The following RBFOX1 variants were observed in gnomAD, a reference collection of about 807,000 sequenced individuals.
The protein encoded by RBFOX1 is RNA binding fox-1 homolog 1, also known as RNA binding protein fox-1 homolog 1.
A neutral mutation model predicts 57.7 loss-of-function variants in RBFOX1; 8 were observed. The ratio of observed to expected loss-of-function variants is 0.14; its 90% CI spans 0.08 to 0.25. RBFOX1 has a LOEUF of 0.25. Among genes scored for constraint, RBFOX1 ranks in the 10% least tolerant of loss-of-function variants. The pLI is 1.00. For synonymous variants in RBFOX1, 326 were observed against 222.4 expected, an observed-to-expected ratio of 1.47 and a Z score of -4.15; for missense variants, 611 against 548.5, an observed-to-expected ratio of 1.11 and a Z score of -1.14.
At chr16:6,226,880 G>A (rs760125940) in intron 1 of RBFOX1, among the ~76,000 whole-genome samples, 4 of 151,268 alleles carry the variant, frequency 2.6e-5, no homozygotes, top group African/African-American at 7.3e-5. Flanking sequence ...GCGGTGAGGC[G>A]GCTGGATTGC....
chr16:6,424,620 C>CGTGTGTGTGTGT (rs143990992), intron 2 of RBFOX1, among the ~76,000 whole-genome samples: 4,169 of 150,630 alleles, frequency 0.028, 114 homozygotes, highest in African/African-American at 0.07. Context: ...TGTGTGTGTG[C>CGTGTGTGTGTGT]GTGTGTGTGA....
intron 1 of RBFOX1, among the ~76,000 whole-genome samples, chr16:6,020,695 G>C (rs1186289073): frequency 6.8e-6 from 1 of 147,160 alleles, no homozygotes; most frequent in Non-Finnish European, 1.5e-5. Flanking sequence ...TTGTTGTGCA[G>C]GCCAGGGGGG....
At chr16:6,596,191 C>G (rs925387478) in intron 2 of RBFOX1, among the ~76,000 whole-genome samples, 8 of 151,692 alleles carry the variant, frequency 5.3e-5, no homozygotes, top group Admixed American at 3.3e-4. Flanking sequence ...TTTTTCACCC[C>G]AAGGTCACAG....
At chr16:7,342,368 G>A (rs982851461) in intron 4 of RBFOX1, among the ~76,000 whole-genome samples, 1 of 152,172 alleles carries the variant, frequency 6.6e-6, no homozygotes, top group East Asian at 1.9e-4. Flanking sequence ...TGGCTCCTGT[G>A]TGATGCGGGG....
intron 4 of RBFOX1, among the ~76,000 whole-genome samples, chr16:5,897,298 G>A (rs569939687): frequency 5.3e-5 from 8 of 150,638 alleles, no homozygotes; most frequent in Non-Finnish European, 1.0e-4. Context: ...GCCTCCCAAA[G>A]TGCTGGGATT....
intron 4 of RBFOX1, among the ~76,000 whole-genome samples, chr16:7,165,890 T>C (rs950302891): frequency 6.6e-6 from 1 of 150,926 alleles, no homozygotes; most frequent in African/African-American, 2.4e-5. Context: ...ATAGATATGT[T>C]GGATTCTCTG....
chr16:6,938,546 C>G (rs533011105), intron 3 of RBFOX1, among the ~76,000 whole-genome samples: 1 of 145,844 alleles, frequency 6.9e-6, no homozygotes, highest in Non-Finnish European at 1.5e-5. Flanking sequence ...CTAGCATTAC[C>G]AGACACTGAA....
intron 2 of RBFOX1, among the ~76,000 whole-genome samples, chr16:5,546,300 C>A (rs7196311): frequency 0.05 from 7,647 of 152,002 alleles, 462 homozygotes; most frequent in African/African-American, 0.14. Flanking sequence ...GGCTTTTTTG[C>A]GGGGTGGAAA....
At chr16:6,698,730 A>C (rs985211708) in intron 3 of RBFOX1, among the ~76,000 whole-genome samples, 1 of 152,144 alleles carries the variant, frequency 6.6e-6, no homozygotes, top group East Asian at 1.9e-4. Context: ...GCCGTTCTCA[A>C]ATCCCACATC....
At chr16:6,157,988 A>T (rs1051301916) in intron 1 of RBFOX1, among the ~76,000 whole-genome samples, 4 of 152,200 alleles carry the variant, frequency 2.6e-5, no homozygotes, top group Non-Finnish European at 4.4e-5. Flanking sequence ...AGATATACTA[A>T]TTGGCTGAAC....
At position 5,389,528 on chromosome 16, in the gene RBFOX1, T is replaced by C. The variant is rs548030921; in HGVS notation, c.220-77688T>C. Among the ~76,000 whole-genome samples the C allele has an allele frequency of 1.5e-3, 230 of 152,226 alleles. 1 individual carries two copies. The highest frequency in any genetic ancestry group is 2.2e-3 in the Non-Finnish European group (147 of 68,010). On this transcript the variant is annotated intron_variant, in intron 1 of 2. Coordinates refer to the RBFOX1 transcript ENST00000585867. Reference sequence around the variant, plus strand: ...GAGGCAAAGTCACTCCAGCTGAAAATTGACATACTCCTGTGTATGTAACCA... The same window carrying C: ...GAGGCAAAGTCACTCCAGCTGAAAACTGACATACTCCTGTGTATGTAACCA...
At chr16:6,509,292 C>G (rs1400272262) in intron 2 of RBFOX1, among the ~76,000 whole-genome samples, 1 of 152,052 alleles carries the variant, frequency 6.6e-6, no homozygotes, top group Admixed American at 6.6e-5. Context: ...TTATTAATCC[C>G]TTGTCAGATA....
chr16:6,801,365 G>A lies in RBFOX1; in HGVS notation c.-16+146715G>A, dbSNP rs117728714. On this transcript the variant is annotated intron_variant, in intron 3 of 15. Coordinates refer to ENST00000550418, the MANE Select transcript of RBFOX1 (RefSeq NM_018723.4). ...GTAATGGTCAGGCTTATGTATTTAA[G>A]GTGTAATTGCATCTATCTTTATACT... Among the ~76,000 whole-genome samples the A allele has an allele frequency of 5.5e-3, 841 of 152,232 alleles. 9 individuals carry two copies. The highest frequency in any genetic ancestry group is 6.3e-3 in the Non-Finnish European group (427 of 68,016).
intron 3 of RBFOX1, among the ~76,000 whole-genome samples, chr16:5,759,757 G>A (rs1333393764): frequency 6.6e-6 from 1 of 151,564 alleles, no homozygotes; most frequent in Non-Finnish European, 1.5e-5. Flanking sequence ...GCATTTTTCT[G>A]ATCTCCCTGA....
chr16:7,097,178 G>T lies in RBFOX1; in HGVS notation c.27+45080G>T, dbSNP rs7203983. ...ACTTCGAGCAAGACTTTTCCAAGAA[G>T]GTGTCTTCTCAGCTAGGACCTGAGA... On this transcript the variant is annotated intron_variant, in intron 4 of 15. Coordinates refer to ENST00000550418, the MANE Select transcript of RBFOX1 (RefSeq NM_018723.4). Among the ~76,000 whole-genome samples, 3 of 151,944 alleles carry T rather than the reference G, an allele frequency of 2.0e-5. No homozygotes were observed. In the South Asian group the frequency reaches 6.2e-4, roughly 32 times the overall value.
At chr16:6,874,341 T>C (rs1269018510) in intron 3 of RBFOX1, among the ~76,000 whole-genome samples, 1 of 151,682 alleles carries the variant, frequency 6.6e-6, no homozygotes, top group African/African-American at 2.4e-5. Context: ...TGAAACTGCA[T>C]CTCCACTAAA....
At chr16:7,026,855 G>A (rs1235870753) in intron 3 of RBFOX1, among the ~76,000 whole-genome samples, 2 of 152,206 alleles carry the variant, frequency 1.3e-5, no homozygotes, top group Non-Finnish European at 2.9e-5. Context: ...TCGGCTTGCT[G>A]TATCTCCTAG....
At chr16:5,436,558 T>G (rs1351786945) in intron 1 of RBFOX1, among the ~76,000 whole-genome samples, 1 of 152,174 alleles carries the variant, frequency 6.6e-6, no homozygotes, top group African/African-American at 2.4e-5. Flanking sequence ...AAAATAATTC[T>G]GGCCAGGCAT....
At position 6,162,668 on chromosome 16, in the gene RBFOX1, TTA is replaced by T. The variant is rs1442891376; in HGVS notation, c.-127+142680_-127+142681del. Among the ~76,000 whole-genome samples, 4 of 152,198 alleles carry T rather than the reference TTA, an allele frequency of 2.6e-5. No homozygotes were observed. In the East Asian group the frequency reaches 7.8e-4, roughly 30 times the overall value. On this transcript the variant is annotated intron_variant, in intron 1 of 15. Coordinates refer to ENST00000550418, the MANE Select transcript of RBFOX1 (RefSeq NM_018723.4). ...TAACCCCCAAAGAAAGTTCATAATG[TTA>T]TATGTTACAAGATGTTGGTAAACCA...
Sources: gnomAD v4.1 joint callset for allele counts (sites outside exome capture counted in the v4.1 genomes callset) on GRCh38, gnomAD v4.1.1 for gene constraint, MANE v1.5 for transcripts, NCBI Gene and HGNC (gene_info 2026-07-23, HGNC 2026-07-21) for gene names.